Variants in THEMIS observed in about 807,000 individuals in gnomAD.
THEMIS encodes the protein protein THEMIS.
A neutral mutation model predicts 52.6 loss-of-function variants in THEMIS; 37 were observed. The observed-to-expected ratio is 0.70, with a 90% confidence interval of 0.54 to 0.93. The LOEUF is 0.93. THEMIS is among the 40% of genes least tolerant of loss of function. The probability of loss-of-function intolerance (pLI) is 0.00; values close to 1 mark genes in which losing one functional copy is unlikely to be tolerated. For synonymous variants in THEMIS, 292 were observed against 272.7 expected, an observed-to-expected ratio of 1.07 and a Z score of -0.70; for missense variants, 808 against 763.1, an observed-to-expected ratio of 1.06 and a Z score of -0.69.
chr6:127,853,707 C>T (rs1287184178), intron 2 of THEMIS, among the ~76,000 whole-genome samples: 6 of 151,636 alleles, frequency 4.0e-5, no homozygotes, highest in African/African-American at 1.5e-4. Context: ...GTAACAAAAG[C>T]TGACACTTTT....
chr6:127,801,836 G>C (rs2114564231), intron 4 of THEMIS, among the ~76,000 whole-genome samples: 1 of 152,258 alleles, frequency 6.6e-6, no homozygotes, highest in African/African-American at 2.4e-5. Flanking sequence ...TAGAGGTGAG[G>C]TTGAGAGTGT....
chr6:127,734,740 C>T (rs989298962), intron 4 of THEMIS, among the ~76,000 whole-genome samples: 18 of 150,882 alleles, frequency 1.2e-4, no homozygotes, highest in East Asian at 9.8e-4. Flanking sequence ...TGTGGTGGCA[C>T]GCGCCGTAGT....
intron 4 of THEMIS, among the ~76,000 whole-genome samples, chr6:127,804,978 T>C (rs12212775): frequency 0.036 from 5,510 of 152,228 alleles, 131 homozygotes; most frequent in Middle Eastern, 0.061. Context: ...ATTCCTTTTA[T>C]ATATTGTGTG....
intron 1 of THEMIS, among the ~76,000 whole-genome samples, chr6:127,858,731 C>G (rs1346351209): frequency 1.3e-5 from 2 of 151,934 alleles, no homozygotes; most frequent in Non-Finnish European, 2.9e-5. Context: ...TCATTTTAAC[C>G]ATAAAACATG....
intron 4 of THEMIS, among the ~76,000 whole-genome samples, chr6:127,796,463 G>A (rs980638854): frequency 5.9e-5 from 9 of 152,102 alleles, no homozygotes; most frequent in Non-Finnish European, 1.0e-4. Flanking sequence ...TTATGCAGTC[G>A]GAATGCCTGT....
At chr6:127,856,144 T>C (rs775985630) in intron 1 of THEMIS, among the ~76,000 whole-genome samples, 23 of 152,048 alleles carry the variant, frequency 1.5e-4, no homozygotes, top group Non-Finnish European at 2.4e-4. Context: ...ATGTGAAGTA[T>C]ATGAGCACAG....
chr6:127,755,797 C>T lies in THEMIS; in HGVS notation c.1759-35974G>A, dbSNP rs143957114. Among the ~76,000 whole-genome samples, 547 of 152,082 alleles carry T rather than the reference C, an allele frequency of 3.6e-3. 4 individuals are homozygous for T. The highest frequency in any genetic ancestry group is 0.012 in the African/African-American group (489 of 41,490). ...CTTGTGACACCAGCACTTTGGGAGG[C>T]GGGCAGATCACTTGAGGTCAGGAGT... On this transcript the variant is annotated intron_variant, in intron 4 of 5. Transcript: ENST00000368248.
intron 1 of THEMIS, among the ~76,000 whole-genome samples, chr6:127,910,551 A>G (rs1340644149): frequency 6.6e-6 from 1 of 152,152 alleles, no homozygotes; most frequent in East Asian, 1.9e-4. Context: ...TTCTACTATC[A>G]CCATGCCTTA....
At chr6:127,823,079 C>T (rs1372728145) in intron 3 of THEMIS, among the ~76,000 whole-genome samples, 1 of 152,010 alleles carries the variant, frequency 6.6e-6, no homozygotes, top group Non-Finnish European at 1.5e-5. Context: ...TTCTTTTTCT[C>T]TGGAAAATCC....
intron 1 of THEMIS, among the ~76,000 whole-genome samples, chr6:127,886,224 C>A (rs923441308): frequency 5.9e-5 from 9 of 152,088 alleles, no homozygotes; most frequent in Admixed American, 3.9e-4. Context: ...CTGAGTCATT[C>A]CCAGCATGCT....
At chr6:127,728,730 G>A (rs1562218495) in intron 4 of THEMIS, among the ~76,000 whole-genome samples, 1 of 152,036 alleles carries the variant, frequency 6.6e-6, no homozygotes, top group African/African-American at 2.4e-5. Context: ...TGGGATTGGG[G>A]GTGAGGTGGC....
chr6:127,871,889 A>G (rs190479074), intron 1 of THEMIS, among the ~76,000 whole-genome samples: 1 of 152,198 alleles, frequency 6.6e-6, no homozygotes, highest in South Asian at 2.1e-4. Context: ...AATATTTTCA[A>G]CAATTCTAGA....
chr6:127,787,823 A>ATAGC (rs1337650045), intron 4 of THEMIS, among the ~76,000 whole-genome samples: 1 of 140,968 alleles, frequency 7.1e-6, no homozygotes, highest in Non-Finnish European at 1.6e-5. Flanking sequence ...AGATAGATAG[A>ATAGC]TAGATAGATA....
intron 4 of THEMIS, among the ~76,000 whole-genome samples, chr6:127,801,860 A>T (rs1443383255): frequency 6.6e-6 from 1 of 152,140 alleles, no homozygotes; most frequent in Non-Finnish European, 1.5e-5. Context: ...CCATGAGGAG[A>T]TGCACTACAC....
At chr6:127,897,930 G>A (rs1433556302) in intron 1 of THEMIS, among the ~76,000 whole-genome samples, 3 of 151,366 alleles carry the variant, frequency 2.0e-5, no homozygotes, top group Non-Finnish European at 4.4e-5. Context: ...TCATCTAATG[G>A]AATAACATAC....
rs998292063 is a variant in THEMIS, at chr6:127,817,882, A to G, written c.710-3951T>C. 9.9e-5 allele frequency among the ~76,000 whole-genome samples: 15 copies of G among 152,282 alleles called. 1 individual carries two copies. The East Asian group carries it at 1.9e-3, about 20-fold the overall frequency. On this transcript the variant is annotated intron_variant, in intron 3 of 5. Coordinates refer to ENST00000368248, the MANE Select transcript of THEMIS (RefSeq NM_001010923.3). ...TTCTGAGTCTTACTTTCAGGGGCCC[A>G]TCCAGGTTCTCAGGGTGAAGATGAG...
At position 127,882,457 on chromosome 6, in the gene THEMIS, TTAGA is replaced by T. The variant is rs1474750896; in HGVS notation, c.91+18381_91+18384del. On this transcript the variant is annotated intron_variant, in intron 1 of 5. Transcript: ENST00000368248. ...AATAAATTTTACATACTTTACAAGC[TTAGA>T]TATAGAAAGTTTACAGTTTCCAACA... 1.3e-5 allele frequency among the ~76,000 whole-genome samples: 2 copies of T among 151,906 alleles called. 1 individual carries two copies. The highest frequency in any genetic ancestry group is 1.3e-4 in the Admixed American group (2 of 15,266).
intron 1 of THEMIS, among the ~76,000 whole-genome samples, chr6:127,876,081 C>T (rs760342895): frequency 1.2e-4 from 19 of 152,092 alleles, no homozygotes; most frequent in Non-Finnish European, 2.5e-4. Flanking sequence ...TTGGAGAAAA[C>T]TCAAGAAGAA....
At chr6:127,812,757 A>G in intron 4 of THEMIS, 126 bp downstream of exon 4, 2 of 944,168 alleles carry the variant, frequency 2.1e-6, no homozygotes, top group Non-Finnish European at 1.6e-6. Flanking sequence ...ACTGCACATC[A>G]GAAAAGCTCA....
Sources: allele counts gnomAD v4.1 joint callset (sites outside exome capture counted in the v4.1 genomes callset), GRCh38; gene constraint gnomAD v4.1.1; transcripts MANE v1.5; gene names NCBI Gene and HGNC (gene_info 2026-07-23, HGNC 2026-07-21).